The following ARHGAP40 variants were observed in gnomAD, a reference collection of about 807,000 sequenced individuals.
ARHGAP40 encodes the protein rho GTPase-activating protein 40.
In ARHGAP40, 43 loss-of-function variants were observed where a neutral mutation model predicts 73.5. That is an observed-to-expected ratio of 0.58 (90% CI 0.46 to 0.75). ARHGAP40 has a LOEUF of 0.75. ARHGAP40 is among the 30% of genes least tolerant of loss of function. The pLI, the probability that ARHGAP40 is intolerant of heterozygous loss-of-function variation, is 0.00. For missense variants in ARHGAP40, 734 were observed against 861.8 expected, an observed-to-expected ratio of 0.85 and a Z score of 1.86; for synonymous variants, 300 against 352.8, an observed-to-expected ratio of 0.85 and a Z score of 1.68.
intron 7 of ARHGAP40, among the ~76,000 whole-genome samples, chr20:38,638,102 T>A (rs1216377469): frequency 6.6e-6 from 1 of 151,438 alleles, no homozygotes; most frequent in Non-Finnish European, 1.5e-5. Flanking sequence ...GAGGTCAGGA[T>A]ATCAAGACCA....
intron 13 of ARHGAP40, among the ~76,000 whole-genome samples, chr20:38,647,840 A>G (rs573366814): frequency 6.6e-6 from 1 of 152,362 alleles, no homozygotes; most frequent in Admixed American, 6.5e-5. Context: ...TAGGTTTCAT[A>G]AGAAATGCAG....
At chr20:38,629,046 T>C in intron 4 of ARHGAP40, 44 bp downstream of exon 4, 2 of 1,264,060 alleles carry the variant, frequency 1.6e-6, no homozygotes, top group Admixed American at 2.5e-5. Context: ...TCCTCCAGGC[T>C]GCATAAAGGG....
At chr20:38,619,983 C>T (rs997304252) in intron 1 of ARHGAP40, among the ~76,000 whole-genome samples, 24 of 152,052 alleles carry the variant, frequency 1.6e-4, no homozygotes, top group African/African-American at 5.6e-4. Context: ...GAGGTGGGAG[C>T]ATCGCTTGAG....
rs1601145242 is a variant in ARHGAP40 at position 38,633,876 on chromosome 20, G to A, written c.784-744G>A. On this transcript the variant is annotated intron_variant, in intron 5 of 14. Transcript: ENST00000373345. Reference sequence around the variant, plus strand: ...ATGGCCAAGGCTGGGGACAGAGCCGGTGAGGCAGAGGAACAAAGGACCAGA... The same window carrying A: ...ATGGCCAAGGCTGGGGACAGAGCCGATGAGGCAGAGGAACAAAGGACCAGA... Among the ~76,000 whole-genome samples, 4 of 152,360 alleles carry A rather than the reference G, an allele frequency of 2.6e-5. No homozygotes were observed. The South Asian group carries it at 8.3e-4, about 32-fold the overall frequency.
At chr20:38,607,181 A>C (rs1249242543) in intron 1 of ARHGAP40, among the ~76,000 whole-genome samples, 1 of 152,354 alleles carries the variant, frequency 6.6e-6, no homozygotes, top group East Asian at 1.9e-4. Context: ...TGGGACAAGT[A>C]CATTCGGGAC....
chr20:38,629,544 A>T (rs766742663), exon 5 of ARHGAP40: 75 of 1,305,296 alleles, frequency 5.7e-5, no homozygotes, highest in Admixed American at 2.3e-5. Flanking sequence ...GGGAGGGAAG[A>T]AGCCTTCAAC....
At chr20:38,641,859 CA>C in intron 10 of ARHGAP40, 51 bp downstream of exon 10, 1 of 1,201,964 alleles carries the variant, frequency 8.3e-7, no homozygotes, top group South Asian at 1.4e-5. Context: ...CCCACAGCCA[CA>C]GCCATGGCTT....
In ARHGAP40 at chr20:38,630,072, CTTTCTTTCTT is replaced by C. The variant is rs1290962898; in HGVS notation, c.783+434_783+443del. Among the ~76,000 whole-genome samples the C allele has an allele frequency of 5.3e-3, 416 of 78,814 alleles. 4 individuals are homozygous for C. Among genetic ancestry groups the C allele is most frequent in the African/African-American group, 0.014 (381 of 28,012 alleles). The allele number at this position is 78,814 out of a possible 152,430, so 51.7% of individuals were successfully genotyped here. ...CCTCCTCCTTCTTTTTTCTTTCTTT[CTTTCTTTCTT>C]TTTCTTTCTTTCTTTCTTTGTTTTT... is the stretch of plus-strand genomic sequence containing the variant. On this transcript the variant is annotated intron_variant, in intron 5 of 14. Transcript: ENST00000373345.
At chr20:38,602,855 G>A (rs1434397627) in intron 1 of ARHGAP40, among the ~76,000 whole-genome samples, 1 of 152,144 alleles carries the variant, frequency 6.6e-6, no homozygotes, top group Non-Finnish European at 1.5e-5. Context: ...ATTCACTTTA[G>A]TGGCCTGCCA....
chr20:38,646,293 C>A lies in ARHGAP40; in HGVS notation c.1710+106C>A. On this transcript the variant is annotated intron_variant, in intron 12 of 14. Coordinates refer to ENST00000373345, the Ensembl canonical transcript of ARHGAP40. This position sits in a 1 kb window ranked among gnomAD's most constrained non-coding sequence, Gnocchi z 4.5. ...CAGGTCCCCGCTACCGGGCTGCCAG[C>A]AACGGCCCAGTGAGGCCACCAGGGG... The A allele has an allele frequency of 8.6e-7, 1 of 1,164,600 alleles. No individual in the cohort carries two copies. The highest frequency in any genetic ancestry group is 1.1e-6 in the Non-Finnish European group (1 of 918,320). 72.1% of individuals were successfully genotyped at this position (1,164,600 alleles called of 1,614,324 possible). A position where few individuals can be genotyped will look rare whatever the true frequency, so the allele number is the denominator to read the frequency against.
chr20:38,644,012 C>A, intron 11 of ARHGAP40, 102 bp downstream of exon 11: 1 of 1,053,144 alleles, frequency 9.5e-7, no homozygotes, highest in Non-Finnish European at 1.2e-6. Context: ...CTAGTGTGTC[C>A]CTTCCAGGAC....
At chr20:38,645,310 T>C (rs2089044719) in intron 11 of ARHGAP40, among the ~76,000 whole-genome samples, 1 of 152,248 alleles carries the variant, frequency 6.6e-6, no homozygotes, top group African/African-American at 2.4e-5. Flanking sequence ...CCCTTTGAGA[T>C]AATGTTGCTA....
At chr20:38,610,800 T>C (rs1233539750) in intron 1 of ARHGAP40, among the ~76,000 whole-genome samples, 1 of 152,172 alleles carries the variant, frequency 6.6e-6, no homozygotes, top group Non-Finnish European at 1.5e-5. Flanking sequence ...TTCACCTTTG[T>C]CTGGCACAGC....
At chr20:38,630,700 C>T (rs1292174475) in intron 5 of ARHGAP40, among the ~76,000 whole-genome samples, 2 of 152,082 alleles carry the variant, frequency 1.3e-5, no homozygotes, top group African/African-American at 2.4e-5. Flanking sequence ...ACAGAAACTT[C>T]CTCCCTTGCT....
intron 1 of ARHGAP40, among the ~76,000 whole-genome samples, chr20:38,604,065 G>C (rs1042674296): frequency 6.6e-6 from 1 of 152,222 alleles, no homozygotes; most frequent in Non-Finnish European, 1.5e-5. Flanking sequence ...GGATTAGGAT[G>C]TGGACATCTT....
At chr20:38,602,779 T>C (rs1266933662) in intron 1 of ARHGAP40, among the ~76,000 whole-genome samples, 2 of 152,172 alleles carry the variant, frequency 1.3e-5, no homozygotes, top group African/African-American at 2.4e-5. Flanking sequence ...TGTAAGGTTT[T>C]CCCCTGCAAC....
intron 1 of ARHGAP40, among the ~76,000 whole-genome samples, chr20:38,611,064 A>AT (rs1288537479): frequency 3.3e-5 from 5 of 151,538 alleles, no homozygotes; most frequent in South Asian, 2.1e-4. Context: ...TAATTTTTGT[A>AT]TTTTTAGTAG....
At chr20:38,635,849 C>T (rs543662243) in intron 6 of ARHGAP40, among the ~76,000 whole-genome samples, 5 of 152,266 alleles carry the variant, frequency 3.3e-5, no homozygotes, top group African/African-American at 1.2e-4. Context: ...AAACTCATGA[C>T]TTAAGAATTC....
chr20:38,609,501 T>C (rs2088792220), intron 1 of ARHGAP40, among the ~76,000 whole-genome samples: 1 of 152,200 alleles, frequency 6.6e-6, no homozygotes, highest in Admixed American at 6.5e-5. Flanking sequence ...GCTGGGCTTA[T>C]ACAATAATAA....
Sources: allele counts gnomAD v4.1 joint callset (sites outside exome capture counted in the v4.1 genomes callset), GRCh38; gene constraint gnomAD v4.1.1; non-coding constraint Gnocchi (gnomAD v3.1); transcripts MANE v1.5; gene names NCBI Gene and HGNC (gene_info 2026-07-23, HGNC 2026-07-21).